Variants in WEE1 observed in about 807,000 individuals in gnomAD.
WEE1 encodes WEE1 G2 checkpoint kinase.
In WEE1, 16 loss-of-function variants were observed where a neutral mutation model predicts 68.8. The ratio of observed to expected loss-of-function variants is 0.23; its 90% CI spans 0.16 to 0.35. The LOEUF (loss-of-function observed/expected upper bound fraction) is 0.35. WEE1 is among the 10% of genes least tolerant of loss of function. WEE1 has a pLI of 1.00. For missense variants in WEE1, 651 were observed against 824.1 expected (o/e 0.79, Z 2.57); for synonymous variants, 349 against 318.7 (o/e 1.09, Z -1.01).
intron 5 of WEE1, 186 bp from the exon 6 acceptor site, chr11:9,581,346 C>G (rs1283944146): frequency 3.7e-6 from 2 of 542,080 alleles, no homozygotes; most frequent in African/African-American, 3.9e-5. Context: ...ATTTTGTACC[C>G]ATGCAAATGT....
In WEE1 at chr11:9,588,999, A is replaced by G. The variant is rs1849732447; in HGVS notation, c.*397A>G. On this transcript the variant is annotated 3_prime_UTR_variant, in exon 11 of 11. Transcript: ENST00000450114. ...GGGACATGCTAAAAGACTCATTACT[A>G]CTCAGCCTTCAATGTACCTGTGTGT... is the stretch of plus-strand genomic sequence containing the variant. 2 of 985,974 alleles carry G rather than the reference A, an allele frequency of 2.0e-6. No homozygotes were observed. Among genetic ancestry groups the G allele is most frequent in the Non-Finnish European group, 2.4e-6 (2 of 830,294 alleles). 61.1% of individuals were successfully genotyped at this position (985,974 alleles called of 1,614,324 possible). A position where few individuals can be genotyped will look rare whatever the true frequency, so the allele number is the denominator to read the frequency against.
At chr11:9,575,623 A>C (rs752173287) in intron 1 of WEE1, 19 of 433,856 alleles carry the variant, frequency 4.4e-5, no homozygotes, top group Non-Finnish European at 7.7e-5. Context: ...CACTAGAATG[A>C]ACTTAGTTTT....
intron 6 of WEE1, among the ~76,000 whole-genome samples, chr11:9,583,759 G>GCACACACA (rs1412609889): frequency 2.5e-3 from 104 of 41,516 alleles, no homozygotes; most frequent in East Asian, 3.7e-3. Context: ...GTGCACGCGC[G>GCACACACA]CGCACACACA....
chr11:9,580,726 G>T (rs1034701992), intron 5 of WEE1: 1 of 152,098 alleles, frequency 6.6e-6, no homozygotes, highest in East Asian at 1.9e-4. Flanking sequence ...ATAGTGCTGG[G>T]ATTACAGGCG....
intron 6 of WEE1, among the ~76,000 whole-genome samples, chr11:9,582,844 C>T (rs978885941): frequency 9.2e-5 from 14 of 152,046 alleles, no homozygotes; most frequent in Non-Finnish European, 1.6e-4. Context: ...AGATTACAGG[C>T]GTAAGCCACC....
In WEE1 at chr11:9,574,856, C is replaced by G; in HGVS notation, c.576+347C>G. On this transcript the variant is annotated intron_variant, in intron 1 of 10. Coordinates refer to ENST00000450114, the MANE Select transcript of WEE1 (RefSeq NM_003390.4). The surrounding 1 kb of genome is among the most constrained non-coding windows in gnomAD (Gnocchi z 4.9). ...CGCGAGGATGCTGGAGGGTGCCGGC[C>G]CGGCCACCTGACACTCCCGAGCCAT... The G allele has an allele frequency of 2.0e-6, 2 of 989,902 alleles. No homozygotes were observed. The highest frequency in any genetic ancestry group is 2.4e-6 in the Non-Finnish European group (2 of 832,930). 61.3% of individuals were successfully genotyped at this position (989,902 alleles called of 1,614,324 possible).
In WEE1 at chr11:9,574,104, G is replaced by A. The variant is rs1421978171; in HGVS notation, c.171G>A (p.Glu57=). ...HSTGEDSAFQ[E]PDSPLPPARS... ...CCGGGGAGGACTCGGCCTTTCAAGA[G>A]CCCGACTCGCCGCTGCCGCCCGCGC... Residue 57 remains glutamate, a synonymous_variant, in exon 1 of 11, where the codon GAG becomes GAA. Coordinates refer to ENST00000450114, the MANE Select transcript of WEE1 (RefSeq NM_003390.4). The surrounding 1 kb of genome is among the most constrained non-coding windows in gnomAD (Gnocchi z 4.9). The A allele has an allele frequency of 4.9e-6, 6 of 1,219,526 alleles. No homozygotes were observed. The South Asian group carries it at 1.5e-4, about 31-fold the overall frequency. 75.5% of individuals were successfully genotyped at this position (1,219,526 alleles called of 1,614,324 possible).
chr11:9,578,727 A>C (rs1849590423), intron 5 of WEE1: 1 of 152,122 alleles, frequency 6.6e-6, no homozygotes, highest in Non-Finnish European at 1.5e-5. Flanking sequence ...GTAGCAACCT[A>C]CCAATACATG....
At chr11:9,577,364 T>G in intron 5 of WEE1, 101 bp downstream of exon 5, 1 of 1,419,714 alleles carries the variant, frequency 7.0e-7, no homozygotes, top group Non-Finnish European at 9.5e-7. Flanking sequence ...ACTTTTATCT[T>G]TTATAAATTT....
At chr11:9,575,699 G>T (rs941963788) in intron 1 of WEE1, 189 bp from the exon 2 acceptor site, 6 of 597,294 alleles carry the variant, frequency 1.0e-5, no homozygotes, top group Non-Finnish European at 1.7e-5. Context: ...TTCAAGAAAA[G>T]ATAGTTAATA....
chr11:9,577,366 T>C (rs1275132476), intron 5 of WEE1, 103 bp downstream of exon 5: 12 of 1,411,574 alleles, frequency 8.5e-6, no homozygotes, highest in African/African-American at 4.3e-5. Context: ...TTTTATCTTT[T>C]ATAAATTTAA....
chr11:9,581,687 T>C lies in WEE1; in HGVS notation c.1288+9T>C, dbSNP rs1179495476. The stretch of plus-strand genomic sequence containing the variant: ...CATGGATATAAAACCTAGTAAGTAT[T>C]GCAGATCTTCTGACCTGTGTTCTTT... On this transcript the variant is annotated intron_variant, in intron 6 of 10. Transcript: ENST00000450114. 1.2e-6 allele frequency: 2 copies of C among 1,607,830 alleles called. No individual in the cohort carries two copies. Among genetic ancestry groups the C allele is most frequent in the Admixed American group, 3.5e-5 (2 of 57,636 alleles).
intron 6 of WEE1, among the ~76,000 whole-genome samples, chr11:9,583,800 C>CAT (rs1422896964): frequency 3.3e-4 from 6 of 18,168 alleles, no homozygotes; most frequent in African/African-American, 6.9e-4. Flanking sequence ...CACACACACA[C>CAT]ACATATATAT....
At chr11:9,582,494 A>AT (rs374478754) in intron 6 of WEE1, among the ~76,000 whole-genome samples, 1 of 152,320 alleles carries the variant, frequency 6.6e-6, no homozygotes, top group Non-Finnish European at 1.5e-5. Context: ...AATTTCAGTC[A>AT]TTTTGTACAA....
chr11:9,583,582 TC>T (rs1849652994), intron 6 of WEE1, among the ~76,000 whole-genome samples: 1 of 129,402 alleles, frequency 7.7e-6, no homozygotes, highest in African/African-American at 3.0e-5. Flanking sequence ...ACCACTGCAC[TC>T]CAGCCTGGGC....
intron 5 of WEE1, chr11:9,577,724 G>T (rs982857964): frequency 3.1e-6 from 1 of 327,496 alleles, no homozygotes; most frequent in Non-Finnish European, 5.9e-6. Context: ...TCTGTAGTCC[G>T]GCCCTACTCC....
intron 1 of WEE1, 74 bp from the exon 2 acceptor site, chr11:9,575,814 T>C: frequency 2.2e-6 from 3 of 1,357,174 alleles, no homozygotes; most frequent in Non-Finnish European, 2.1e-6. Context: ...GAAAGGCTCG[T>C]TGAAGGTTAG....
chr11:9,588,484 C>G lies in WEE1; in HGVS notation c.1823C>G (p.Ala608Gly). The G allele has an allele frequency of 6.2e-7, 1 of 1,606,128 alleles. No individual in the cohort carries two copies. The highest frequency in any genetic ancestry group is 8.5e-7 in the Non-Finnish European group (1 of 1,178,082). ...LKKAQMAKAAAEERALFTDRM... is the reference protein window; with the variant it reads ...LKKAQMAKAAGEERALFTDRM... The stretch of plus-strand genomic sequence containing the variant: ...AAAGCACAGATGGCAAAAGCTGCAG[C>G]TGAGGAAAGAGCACTCTTCACTGAC... Residue 608 changes from alanine to glycine, a missense_variant, in exon 11 of 11, where the codon GCT becomes GGT. Ala to Gly is a moderately conservative substitution (Grantham distance 60). Coordinates refer to ENST00000450114, the MANE Select transcript of WEE1 (RefSeq NM_003390.4).
In WEE1 at chr11:9,573,731, C is replaced by A; in HGVS notation, c.-203C>A. On this transcript the variant is annotated 5_prime_UTR_variant, in exon 1 of 11. Coordinates refer to ENST00000450114, the MANE Select transcript of WEE1 (RefSeq NM_003390.4). The stretch of plus-strand genomic sequence containing the variant: ...AGCCTCGGTGCTCGGGCCGCCCCGC[C>A]TCTGCCGGAAAGTCCGCGCCGCCGC... The A allele has an allele frequency of 4.5e-6, 1 of 222,704 alleles. No homozygotes were observed. Among genetic ancestry groups the A allele is most frequent in the Non-Finnish European group, 8.2e-6 (1 of 121,572 alleles). The allele number at this position is 222,704 out of a possible 1,614,324, so 13.8% of individuals were successfully genotyped here.
Sources: allele counts gnomAD v4.1 joint callset (sites outside exome capture counted in the v4.1 genomes callset), GRCh38; gene constraint gnomAD v4.1.1; non-coding constraint Gnocchi (gnomAD v3.1); transcripts MANE v1.5; gene names NCBI Gene and HGNC (gene_info 2026-07-23, HGNC 2026-07-21).